CCDC126: variants seen among roughly 807,000 people sequenced by gnomAD.
The protein encoded by CCDC126 is coiled-coil domain containing 126.
In CCDC126, 5 loss-of-function variants were observed where a neutral mutation model predicts 11.7. The ratio of observed to expected loss-of-function variants is 0.43; its 90% confidence interval spans 0.22 to 0.90. The LOEUF (loss-of-function observed/expected upper bound fraction) is 0.90, where lower values mean the gene tolerates loss of function less well. CCDC126 is among the 40% of genes least tolerant of loss of function. CCDC126 has a pLI of 0.27. For synonymous variants in CCDC126, 60 were observed against 61.9 expected (o/e 0.97, Z 0.14); for missense variants, 150 against 163.1 (o/e 0.92, Z 0.44).
At chr7:23,623,325 T>C (rs932890467) in intron 3 of CCDC126, among the ~76,000 whole-genome samples, 2 of 152,074 alleles carry the variant, frequency 1.3e-5, no homozygotes, top group Non-Finnish European at 2.9e-5. Flanking sequence ...AGACCAGGCA[T>C]GGTGGCTCAT....
intron 2 of CCDC126, chr7:23,604,234 T>G (rs1782586793): frequency 6.6e-6 from 1 of 152,216 alleles, no homozygotes; most frequent in Non-Finnish European, 1.5e-5. Flanking sequence ...GTAGCCTCTC[T>G]GAGAGCTGAC....
At position 23,643,213 on chromosome 7, in the gene CCDC126, C is replaced by T. The variant is rs1584224476; in HGVS notation, c.*98C>T. 2 of 999,630 alleles carry T rather than the reference C, an allele frequency of 2.0e-6. No homozygotes were observed. Among genetic ancestry groups the T allele is most frequent in the Non-Finnish European group, 2.9e-6 (2 of 692,652 alleles). 61.9% of individuals were successfully genotyped at this position (999,630 alleles called of 1,614,324 possible). On this transcript the variant is annotated 3_prime_UTR_variant, in exon 4 of 4. Transcript: ENST00000307471. ...TGGCTTAGGACAGAGCAATACTTTA[C>T]AATAAAAGCTCTACACATTTTCAAG...
At chr7:23,609,291 C>T (rs1249759975) in intron 2 of CCDC126, among the ~76,000 whole-genome samples, 1 of 151,776 alleles carries the variant, frequency 6.6e-6, no homozygotes, top group Non-Finnish European at 1.5e-5. Flanking sequence ...TCAAGTGATT[C>T]TCCTGCCTCA....
At chr7:23,624,927 C>T (rs1451635943) in intron 3 of CCDC126, among the ~76,000 whole-genome samples, 1 of 152,168 alleles carries the variant, frequency 6.6e-6, no homozygotes, top group Non-Finnish European at 1.5e-5. Flanking sequence ...AGTATAACCT[C>T]AAATTCCTGG....
At chr7:23,632,946 G>A (rs1783141050) in intron 3 of CCDC126, among the ~76,000 whole-genome samples, 1 of 152,194 alleles carries the variant, frequency 6.6e-6, no homozygotes, top group Admixed American at 6.5e-5. Context: ...TGTATTTAAT[G>A]TCTGATGAGA....
chr7:23,612,145 C>CA (rs68133290), intron 3 of CCDC126, among the ~76,000 whole-genome samples: 1,869 of 55,098 alleles, frequency 0.034, 36 homozygotes, highest in Admixed American at 0.065. Flanking sequence ...GACTCCGTCT[C>CA]AAAAAAAAAA....
chr7:23,621,488 A>G (rs1782896429), intron 3 of CCDC126, among the ~76,000 whole-genome samples: 2 of 152,134 alleles, frequency 1.3e-5, no homozygotes, highest in African/African-American at 4.8e-5. Flanking sequence ...GGCTGAGATG[A>G]TGGGGTTTTC....
intron 3 of CCDC126, among the ~76,000 whole-genome samples, chr7:23,622,061 G>T (rs758339751): frequency 1.3e-5 from 2 of 152,116 alleles, no homozygotes; most frequent in Non-Finnish European, 2.9e-5. Flanking sequence ...TTGTGTCTCT[G>T]CCAGGCTTTG....
chr7:23,619,508 G>T, intron 3 of CCDC126: 1 of 355,824 alleles, frequency 2.8e-6, no homozygotes, highest in Non-Finnish European at 5.5e-6. Flanking sequence ...TTTTTCCAAT[G>T]TAATGCACAG....
At chr7:23,639,267 CT>C (rs1438337064) in intron 3 of CCDC126, among the ~76,000 whole-genome samples, 2 of 150,988 alleles carry the variant, frequency 1.3e-5, no homozygotes, top group East Asian at 3.9e-4. Context: ...TCTCAGCTCA[CT>C]GCAACTTCTA....
At chr7:23,641,287 C>G (rs1486543792) in intron 3 of CCDC126, among the ~76,000 whole-genome samples, 1 of 152,096 alleles carries the variant, frequency 6.6e-6, no homozygotes, top group Non-Finnish European at 1.5e-5. Context: ...CATGTACTTA[C>G]TGGCCATTTG....
intron 2 of CCDC126, chr7:23,601,861 T>A (rs1782550996): frequency 6.6e-6 from 1 of 152,226 alleles, no homozygotes; most frequent in African/African-American, 2.4e-5. Flanking sequence ...TTTTTATTTT[T>A]TTTTTGTAGT....
At chr7:23,641,316 T>G (rs1294016264) in intron 3 of CCDC126, among the ~76,000 whole-genome samples, 5 of 152,164 alleles carry the variant, frequency 3.3e-5, no homozygotes, top group African/African-American at 4.8e-5. Flanking sequence ...CTTTAGAGAG[T>G]ATCTATTCAA....
At chr7:23,640,182 C>CA (rs1040410523) in intron 3 of CCDC126, among the ~76,000 whole-genome samples, 25 of 144,960 alleles carry the variant, frequency 1.7e-4, no homozygotes, top group African/African-American at 6.1e-4. Context: ...GACTCCGTCT[C>CA]AAAAAAAATA....
intron 3 of CCDC126, among the ~76,000 whole-genome samples, chr7:23,617,161 G>A (rs1488043910): frequency 2.6e-5 from 4 of 151,444 alleles, no homozygotes; most frequent in South Asian, 2.1e-4. Flanking sequence ...CAGCCTGGCC[G>A]ACATGGTGAA....
At chr7:23,624,055 T>G (rs1470011942) in intron 3 of CCDC126, among the ~76,000 whole-genome samples, 2 of 152,216 alleles carry the variant, frequency 1.3e-5, no homozygotes, top group Non-Finnish European at 2.9e-5. Flanking sequence ...AAAACAGGAT[T>G]GCTTCCTGGC....
intron 3 of CCDC126, among the ~76,000 whole-genome samples, chr7:23,630,262 G>T (rs1031061075): frequency 6.6e-5 from 10 of 152,084 alleles, no homozygotes; most frequent in Non-Finnish European, 1.2e-4. Flanking sequence ...ACTTTGGGAG[G>T]CCAAGGCAGG....
Position 23,640,235 on chromosome 7 carries a change from T to C in CCDC126, c.239-2696T>C, listed in dbSNP as rs184355992. On this transcript the variant is annotated intron_variant, in intron 3 of 3. Coordinates refer to ENST00000307471, the MANE Select transcript of CCDC126 (RefSeq NM_138771.4). ...TCTGGGGGCTGGGCATGGTGGCTTA[T>C]GTCTGTAATCCCAGCACTTTGGGAG... Among the ~76,000 whole-genome samples, 73 of 148,356 alleles carry C rather than the reference T, an allele frequency of 4.9e-4. 2 individuals are homozygous for C. In the East Asian group the frequency reaches 9.2e-3, roughly 19 times the overall value.
At chr7:23,604,242 G>C (rs1237532384) in intron 2 of CCDC126, 2 of 152,200 alleles carry the variant, frequency 1.3e-5, no homozygotes, top group Admixed American at 6.5e-5. Flanking sequence ...TCTGAGAGCT[G>C]ACTGTTATTA....
Sources: gnomAD v4.1 joint callset for allele counts (sites outside exome capture counted in the v4.1 genomes callset) on GRCh38, gnomAD v4.1.1 for gene constraint, MANE v1.5 for transcripts, NCBI Gene and HGNC (gene_info 2026-07-23, HGNC 2026-07-21) for gene names.